Variants in RSRC2 observed in about 807,000 individuals in gnomAD.
The protein encoded by RSRC2 is arginine and serine rich coiled-coil 2.
RSRC2 carries 5 observed loss-of-function variants against 61.3 expected under a neutral mutation model. The ratio of observed to expected loss-of-function variants is 0.08; its 90% CI spans 0.04 to 0.17. The LOEUF (loss-of-function observed/expected upper bound fraction) is 0.17. Ranked by LOEUF, RSRC2 falls within the 10% of genes least tolerant of loss-of-function variation. The probability of loss-of-function intolerance (pLI) is 1.00; values close to 1 mark genes in which losing one functional copy is unlikely to be tolerated. For missense variants in RSRC2, 381 were observed against 518.8 expected (o/e 0.73, Z 2.58); for synonymous variants, 202 against 166.5 (o/e 1.21, Z -1.64).
Position 122,526,920 on chromosome 12 carries a change from A to C in RSRC2, c.-67T>G. The C allele has an allele frequency of 1.3e-6, 2 of 1,595,458 alleles. No homozygotes were observed. The highest frequency in any genetic ancestry group is 1.7e-6 in the Non-Finnish European group (2 of 1,163,322). ...GCTTTCAACAGTACCGGCCGCTCCGAAGCTTCGCCTCAGACTAAATCGCTC... is the reference window on the plus strand; with the variant it reads ...GCTTTCAACAGTACCGGCCGCTCCGCAGCTTCGCCTCAGACTAAATCGCTC... On this transcript the variant is annotated 5_prime_UTR_variant, in exon 1 of 10. Transcript: ENST00000331738.
At chr12:122,507,388 TAATAAA>T (rs946866783) in intron 8 of RSRC2, 1 of 154,692 alleles carries the variant, frequency 6.5e-6, no homozygotes, top group African/African-American at 2.4e-5. Flanking sequence ...GTCTCAAAAA[TAATAAA>T]AATAAAATAA....
rs1202445842 is a variant in RSRC2 at position 122,517,265 on chromosome 12, A to G, written c.564T>C (p.His188=). The change falls in exon 5 of 10, where the codon CAT becomes CAC. Residue 188 remains histidine, a synonymous_variant. Coordinates refer to ENST00000331738, the MANE Select transcript of RSRC2 (RefSeq NM_023012.6). ...TTGTCCTACTCCTGCTTCTAGTCCT[A>G]TGCCTGTGTCTTGATCTTGAGCGGG... The part of the protein sequence containing the change: ...SRSRSRSRHR[H]RTRSRSRTRS... The G allele has an allele frequency of 6.2e-7, 1 of 1,614,028 alleles. No homozygotes were observed. The highest frequency in any genetic ancestry group is 1.7e-5 in the Admixed American group (1 of 59,990).
chr12:122,516,762 G>T (rs919014997), intron 5 of RSRC2, among the ~76,000 whole-genome samples: 1 of 152,098 alleles, frequency 6.6e-6, no homozygotes, highest in Non-Finnish European at 1.5e-5. Context: ...GCATGATCTT[G>T]GCTCACTGCA....
chr12:122,514,757 AG>A, intron 6 of RSRC2: 1 of 1,124,612 alleles, frequency 8.9e-7, no homozygotes, highest in Non-Finnish European at 1.2e-6. Flanking sequence ...CAAAAAGTAA[AG>A]GAAAAGTCAT....
At chr12:122,516,068 G>A (rs774349188) in intron 5 of RSRC2, among the ~76,000 whole-genome samples, 1 of 152,056 alleles carries the variant, frequency 6.6e-6, no homozygotes, top group Non-Finnish European at 1.5e-5. Flanking sequence ...GTTCAAAGTA[G>A]TAAACTACTA....
intron 5 of RSRC2, among the ~76,000 whole-genome samples, chr12:122,516,264 G>A (rs556955810): frequency 5.9e-5 from 9 of 152,226 alleles, no homozygotes; most frequent in Admixed American, 5.2e-4. Flanking sequence ...AACAAGCAGA[G>A]AATAACGCAT....
intron 3 of RSRC2, 168 bp downstream of exon 3, chr12:122,521,217 C>A: frequency 4.1e-6 from 2 of 488,894 alleles, no homozygotes. Context: ...ACATAAACAT[C>A]TTCTTCAAAA....
At chr12:122,508,807 T>A (rs1030502454) in intron 7 of RSRC2, among the ~76,000 whole-genome samples, 3 of 151,352 alleles carry the variant, frequency 2.0e-5, no homozygotes, top group Non-Finnish European at 4.4e-5. Flanking sequence ...AAATACAAAA[T>A]TAGCCGGGCG....
In RSRC2 at chr12:122,521,438, C is replaced by A; in HGVS notation, c.164-10G>T. On this transcript the variant is annotated splice_polypyrimidine_tract_variant and intron_variant, in intron 2 of 9. Coordinates refer to ENST00000331738, the MANE Select transcript of RSRC2 (RefSeq NM_023012.6). ...TTTCTTCCTTCATTATCTGTGAATA[C>A]ACAAAAAAAATAATCACCATAAACA... is the stretch of plus-strand genomic sequence containing the variant. The A allele has an allele frequency of 1.2e-6, 2 of 1,609,802 alleles. No homozygotes were observed. Among genetic ancestry groups the A allele is most frequent in the East Asian group, 2.2e-5 (1 of 44,792 alleles).
Position 122,517,376 on chromosome 12 carries a change from C to T in RSRC2, c.453G>A (p.Glu151=). 3.1e-6 allele frequency: 5 copies of T among 1,614,130 alleles called. No homozygotes were observed. The highest frequency in any genetic ancestry group is 4.2e-6 in the Non-Finnish European group (5 of 1,180,038). ...ERKKSRSRSR[E]RKKSRSRSRE... ...TGCTTCTGGATCTCGATTTCTTCCG[C>T]TCCCTACTCCTGGATCGAGACTTCT... Residue 151 remains glutamate, a synonymous_variant, in exon 5 of 10, where the codon GAG becomes GAA. Transcript: ENST00000331738.
intron 6 of RSRC2, 179 bp downstream of exon 6, chr12:122,514,926 T>C (rs925823784): frequency 1.5e-5 from 11 of 737,062 alleles, no homozygotes; most frequent in East Asian, 1.2e-4. Context: ...CTCAATCTTA[T>C]AGTTGTGCAA....
chr12:122,503,611 A>C lies in RSRC2; in HGVS notation c.*1916T>G, dbSNP rs1435765235. 2.0e-5 allele frequency: 3 copies of C among 152,226 alleles called. No individual in the cohort carries two copies. Among genetic ancestry groups the C allele is most frequent in the Non-Finnish European group, 4.4e-5 (3 of 68,044 alleles). The allele number at this position is 152,226 out of a possible 1,614,324, so 9.4% of individuals were successfully genotyped here. The stretch of plus-strand genomic sequence containing the variant: ...TAGAAGGTCATGAACATTTTTAATA[A>C]GATTGATTTAAAAAGGCAGAGCTTA... On this transcript the variant is annotated 3_prime_UTR_variant, in exon 10 of 10. Coordinates refer to ENST00000331738, the MANE Select transcript of RSRC2 (RefSeq NM_023012.6).
intron 6 of RSRC2, among the ~76,000 whole-genome samples, chr12:122,512,485 T>C (rs562262730): frequency 1.3e-5 from 2 of 152,244 alleles, no homozygotes; most frequent in Non-Finnish European, 2.9e-5. Flanking sequence ...TCCAACACTA[T>C]GGGAGGCTGA....
At chr12:122,508,528 T>C in intron 7 of RSRC2, 81 bp from the exon 8 acceptor site, 1 of 1,137,010 alleles carries the variant, frequency 8.8e-7, no homozygotes, top group Non-Finnish European at 1.3e-6. Flanking sequence ...GAACGATTTA[T>C]AAAAAGCTAT....
chr12:122,508,464 C>T lies in RSRC2; in HGVS notation c.806-17G>A, dbSNP rs10773230. On this transcript the variant is annotated splice_polypyrimidine_tract_variant and intron_variant, in intron 7 of 9. Coordinates refer to ENST00000331738, the MANE Select transcript of RSRC2 (RefSeq NM_023012.6). ...TAGCTGCAGCTGCTTGAAGAGAATA[C>T]AAAAATGGATTTTAAAACGATTTTA... 0.53 allele frequency: 833,863 copies of T among 1,582,154 alleles called. 224,172 individuals are homozygous for T. The highest frequency in any genetic ancestry group is 0.54 in the Non-Finnish European group (629,499 of 1,157,102).
chr12:122,518,932 A>C lies in RSRC2; in HGVS notation c.305T>G (p.Leu102Arg). 6.2e-7 allele frequency: 1 copy of C among 1,614,062 alleles called. No individual in the cohort carries two copies. Among genetic ancestry groups the C allele is most frequent in the Non-Finnish European group, 8.5e-7 (1 of 1,179,970 alleles). The stretch of plus-strand genomic sequence containing the variant: ...GTCCTCACCATTTTCAGATGAATTT[A>C]GTCGCTCTCTTCCTTTATCAGAAGA... ...EHSSDKGRER[L>R]NSSENGEDRH... Residue 102 changes from leucine (L) to arginine (R), a missense_variant, in exon 4 of 10, where the codon CTA (leucine) becomes CGA (arginine). Physicochemically the swap from Leu to Arg is moderately radical, Grantham distance 102. Transcript: ENST00000331738.
rs191602487 is a variant in RSRC2 at position 122,511,219 on chromosome 12, A to G, written c.726-31T>C. On this transcript the variant is annotated intron_variant, in intron 6 of 9. Transcript: ENST00000331738. The stretch of plus-strand genomic sequence containing the variant: ...AAATTAATTTCAATGAATTTAAAAT[A>G]ACACAATATAAAACCATTATGTATA... 1.0e-5 allele frequency: 15 copies of G among 1,492,802 alleles called. No individual in the cohort carries two copies. In the East Asian group the frequency reaches 3.2e-4, roughly 32 times the overall value. The allele number at this position is 1,492,802 out of a possible 1,614,324, so 92.5% of individuals were successfully genotyped here. A position where few individuals can be genotyped will look rare whatever the true frequency, so the allele number is the denominator to read the frequency against.
At chr12:122,512,338 T>C (rs1958584727) in intron 6 of RSRC2, among the ~76,000 whole-genome samples, 3 of 152,208 alleles carry the variant, frequency 2.0e-5, no homozygotes, top group Admixed American at 6.5e-5. Context: ...CCCTCTGTAA[T>C]GTGGTATAAA....
chr12:122,510,468 G>A (rs560775248), intron 7 of RSRC2, among the ~76,000 whole-genome samples: 1 of 152,318 alleles, frequency 6.6e-6, no homozygotes, highest in South Asian at 2.1e-4. Context: ...GGCAGAGGTT[G>A]CAGTAAGCTG....
Sources: allele counts gnomAD v4.1 joint callset (sites outside exome capture counted in the v4.1 genomes callset), GRCh38; gene constraint gnomAD v4.1.1; transcripts MANE v1.5; gene names NCBI Gene and HGNC (gene_info 2026-07-23, HGNC 2026-07-21).